The following ZNF544 variants were observed in gnomAD, a reference collection of about 807,000 sequenced individuals.
The protein encoded by ZNF544 is zinc finger protein AF020591.
Under a neutral mutation model 13.5 loss-of-function variants are expected in ZNF544, and 10 were observed. The observed-to-expected ratio is 0.74, with a 90% confidence interval of 0.46 to 1.25. ZNF544 has a LOEUF of 1.25. ZNF544 is among the 50% of genes most tolerant of loss of function. The probability of loss-of-function intolerance (pLI) is 0.00; values close to 1 mark genes in which losing one functional copy is unlikely to be tolerated. For synonymous variants in ZNF544, 323 were observed against 300.5 expected (o/e 1.07, Z -0.77); for missense variants, 896 against 845.6 (o/e 1.06, Z -0.74).
Position 58,261,700 on chromosome 19 carries a change from G to T in ZNF544, c.1094G>T (p.Cys365Phe). The change falls in exon 7 of 7, where the codon TGT becomes TTT. Residue 365 changes from cysteine (C) to phenylalanine (F), a missense_variant. Physicochemically the swap from Cys to Phe is radical, Grantham distance 205 (BLOSUM62 -2). Coordinates refer to ENST00000687789, the MANE Select transcript of ZNF544 (RefSeq NM_014480.4). ...VCNQCGKSFSCCKLIHQRTHT... is the reference protein window; with the variant it reads ...VCNQCGKSFSFCKLIHQRTHT... ...AATCAGTGTGGAAAATCTTTCAGCT[G>T]TTGTAAGCTCATACACCAGAGAACA... 2 of 1,614,202 alleles carry T rather than the reference G, an allele frequency of 1.2e-6. No individual in the cohort carries two copies. The highest frequency in any genetic ancestry group is 2.2e-5 in the East Asian group (1 of 44,894).
At chr19:58,257,713 TCTC>T (rs1260481579) in intron 6 of ZNF544, 3 of 152,298 alleles carry the variant, frequency 2.0e-5, no homozygotes, top group African/African-American at 7.2e-5. Flanking sequence ...CAGACCCTAT[TCTC>T]CTGCCTCACT....
chr19:58,231,707 T>A (rs1039290085), intron 3 of ZNF544: 3 of 152,208 alleles, frequency 2.0e-5, no homozygotes, highest in African/African-American at 7.2e-5. Flanking sequence ...TTGTACATTT[T>A]TCAGCCATGT....
downstream of ZNF544, among the ~76,000 whole-genome samples, chr19:58,269,034 AGAAAGG>A (rs1420531027): frequency 6.6e-6 from 1 of 152,256 alleles, no homozygotes; most frequent in Non-Finnish European, 1.5e-5. Context: ...AGTAAGAAAA[AGAAAGG>A]GAAACTTCCC....
intron 3 of ZNF544, among the ~76,000 whole-genome samples, chr19:58,231,006 G>A (rs1355461346): frequency 5.9e-5 from 9 of 152,148 alleles, no homozygotes; most frequent in Non-Finnish European, 4.4e-5. Flanking sequence ...GCATGAGCTC[G>A]CAGCTGTAAG....
At chr19:58,275,483 C>A (rs1404943268) in intron 5 of ZNF544, among the ~76,000 whole-genome samples, 1 of 151,776 alleles carries the variant, frequency 6.6e-6, no homozygotes, top group African/African-American at 2.4e-5. Flanking sequence ...AGACAAACTC[C>A]TACCTTATAA....
chr19:58,246,401 A>G lies in ZNF544; in HGVS notation c.134A>G (p.Glu45Gly). The change falls in exon 5 of 7, where the codon GAG becomes GGG. Residue 45 changes from glutamate (E) to glycine (G), a missense_variant. Glu to Gly is a moderately conservative substitution (Grantham distance 98, BLOSUM62 -2). Coordinates refer to ENST00000687789, the MANE Select transcript of ZNF544 (RefSeq NM_014480.4). Reference sequence around the variant, plus strand: ...ACACTGTACCGAGAGGTGACACTGGAGACCTGGGAGCATATTGTCTCCCTG... The same window carrying G: ...ACACTGTACCGAGAGGTGACACTGGGGACCTGGGAGCATATTGTCTCCCTG... Reference protein sequence around the residue: ...QRTLYREVTLETWEHIVSLGL... With the variant: ...QRTLYREVTLGTWEHIVSLGL... 6.2e-7 allele frequency: 1 copy of G among 1,613,994 alleles called. No individual in the cohort carries two copies.
chr19:58,259,603 G>A (rs1384874290), intron 6 of ZNF544: 2 of 152,300 alleles, frequency 1.3e-5, no homozygotes, highest in Non-Finnish European at 1.5e-5. Flanking sequence ...TTCTCCTGTT[G>A]GTTGCAGCAT....
intron 5 of ZNF544, among the ~76,000 whole-genome samples, chr19:58,273,922 A>G (rs1304274033): frequency 6.6e-6 from 1 of 151,332 alleles, no homozygotes; most frequent in Non-Finnish European, 1.5e-5. Flanking sequence ...CAGCCTCCCG[A>G]GTAGCTGGGA....
chr19:58,259,927 C>T (rs991013021), intron 6 of ZNF544: 7 of 151,918 alleles, frequency 4.6e-5, no homozygotes, highest in African/African-American at 1.5e-4. Context: ...ATAAACAAAA[C>T]AAAATAAAAT....
downstream of ZNF544, among the ~76,000 whole-genome samples, chr19:58,265,974 G>A (rs1474248635): frequency 6.6e-6 from 1 of 151,894 alleles, no homozygotes; most frequent in Non-Finnish European, 1.5e-5. Context: ...GAAGGCCGAG[G>A]CAGGCAGATC....
intron 3 of ZNF544, among the ~76,000 whole-genome samples, chr19:58,242,519 C>CT (rs146833444): frequency 0.082 from 11,758 of 142,672 alleles, 928 homozygotes; most frequent in African/African-American, 0.2. Context: ...AGTTGTTTCG[C>CT]TTTTTTTTTT....
chr19:58,263,392 C>G lies in ZNF544; in HGVS notation c.*638C>G. ...GGGAGGATCACTTGAGCTTGGGAGG[C>G]GGTGGTTGCAGTGAGCTGTGATCAT... is the stretch of plus-strand genomic sequence containing the variant. On this transcript the variant is annotated 3_prime_UTR_variant, in exon 7 of 7. Transcript: ENST00000687789. 1.0e-6 allele frequency: 1 copy of G among 973,934 alleles called. No homozygotes were observed. Among genetic ancestry groups the G allele is most frequent in the Non-Finnish European group, 1.2e-6 (1 of 819,950 alleles). 60.3% of individuals were successfully genotyped at this position (973,934 alleles called of 1,614,324 possible).
At position 58,262,510 on chromosome 19, in the gene ZNF544, A is replaced by G. The variant is rs200237099; in HGVS notation, c.1904A>G (p.Asn635Ser). The change falls in exon 7 of 7, where the codon AAT (asparagine) becomes AGT (serine). Residue 635 changes from asparagine (N) to serine (S), a missense_variant. Transcript: ENST00000687789. The stretch of plus-strand genomic sequence containing the variant: ...ACTGGGGAGAAGCCGTACAAATGCA[A>G]TCAGTGCAATAAAGCCTTTGCAAGG... ...IHTGEKPYKC[N>S]QCNKAFARSS... 6.4e-4 allele frequency: 1,029 copies of G among 1,614,060 alleles called. 3 individuals are homozygous for G. The highest frequency in any genetic ancestry group is 6.8e-4 in the Non-Finnish European group (800 of 1,180,040).
intron 3 of ZNF544, among the ~76,000 whole-genome samples, chr19:58,235,393 T>C (rs2042168730): frequency 6.6e-6 from 1 of 152,242 alleles, no homozygotes; most frequent in African/African-American, 2.4e-5. Context: ...GGTCTGTCAC[T>C]GACCAGAACG....
chr19:58,231,442 A>G (rs1272773940), intron 3 of ZNF544, among the ~76,000 whole-genome samples: 4 of 152,232 alleles, frequency 2.6e-5, no homozygotes, highest in Non-Finnish European at 5.9e-5. Context: ...GACAGGGTAC[A>G]GTGCCTGGCC....
chr19:58,261,247 A>G lies in ZNF544; in HGVS notation c.641A>G (p.Glu214Gly). The G allele has an allele frequency of 6.2e-7, 1 of 1,614,210 alleles. No individual in the cohort carries two copies. Among genetic ancestry groups the G allele is most frequent in the Non-Finnish European group, 8.5e-7 (1 of 1,180,036 alleles). The change falls in exon 7 of 7, where the codon GAG (glutamate) becomes GGG (glycine). Residue 214 changes from glutamate to glycine, a missense_variant. By Grantham distance (98) the Glu-to-Gly change is moderately conservative (BLOSUM62 -2). Transcript: ENST00000687789. Reference protein sequence around the residue: ...EKNGADGKHCESHQCARAFCQ... With the variant: ...EKNGADGKHCGSHQCARAFCQ... ...AATGGAGCAGATGGGAAGCACTGTG[A>G]GAGTCATCAGTGTGCTAGAGCTTTC...
downstream of ZNF544, chr19:58,263,702 T>C (rs778284123): frequency 3.4e-4 from 172 of 498,642 alleles, no homozygotes; most frequent in Non-Finnish European, 4.2e-4. Flanking sequence ...GGCTCATGCC[T>C]GTAATCCCAG....
At chr19:58,238,712 C>T (rs2042945993) in intron 3 of ZNF544, among the ~76,000 whole-genome samples, 1 of 152,064 alleles carries the variant, frequency 6.6e-6, no homozygotes, top group Non-Finnish European at 1.5e-5. Flanking sequence ...CTCTGGTCCT[C>T]CCACCTCCCT....
intron 6 of ZNF544, among the ~76,000 whole-genome samples, chr19:58,253,673 C>T (rs191458254): frequency 4.1e-4 from 62 of 152,232 alleles, no homozygotes; most frequent in Non-Finnish European, 8.4e-4. Context: ...CTCCTGACCT[C>T]GGGTGATCTG....
Sources: allele counts gnomAD v4.1 joint callset (sites outside exome capture counted in the v4.1 genomes callset), GRCh38; gene constraint gnomAD v4.1.1; transcripts MANE v1.5; gene names NCBI Gene and HGNC (gene_info 2026-07-23, HGNC 2026-07-21).